The following COL28A1 variants were observed in gnomAD, a reference collection of about 807,000 sequenced individuals.
The protein encoded by COL28A1 is collagen type XXVIII alpha 1 chain.
COL28A1 carries 161 observed loss-of-function variants against 150.2 expected under a neutral mutation model. That is an observed-to-expected ratio of 1.07 (90% confidence interval 0.94 to 1.22). The LOEUF is 1.22. COL28A1 is among the 50% of genes most tolerant of loss of function. The pLI is 0.00. For synonymous variants in COL28A1, 552 were observed against 469.7 expected (o/e 1.18, Z -2.26); for missense variants, 1,617 against 1,388.3 (o/e 1.16, Z -2.62).
At chr7:7,506,215 G>T in intron 10 of COL28A1, 148 bp from the exon 11 acceptor site, 1 of 567,556 alleles carries the variant, frequency 1.8e-6, no homozygotes, top group East Asian at 2.9e-5. Flanking sequence ...TCGAGAAGTG[G>T]GATGAGATAA....
At chr7:7,391,326 A>G (rs899689294) in intron 27 of COL28A1, among the ~76,000 whole-genome samples, 1 of 152,108 alleles carries the variant, frequency 6.6e-6, no homozygotes, top group African/African-American at 2.4e-5. Flanking sequence ...ATTTGATTTC[A>G]CTGTGGTCTG....
chr7:7,429,956 G>A (rs1784869981), intron 25 of COL28A1, among the ~76,000 whole-genome samples: 1 of 152,078 alleles, frequency 6.6e-6, no homozygotes, highest in African/African-American at 2.4e-5. Context: ...AAAACAATAG[G>A]CAAGATGAAG....
intron 15 of COL28A1, among the ~76,000 whole-genome samples, chr7:7,461,332 A>G (rs958224235): frequency 1.4e-4 from 22 of 152,230 alleles, no homozygotes; most frequent in African/African-American, 5.1e-4. Context: ...CACAGGGGGA[A>G]GGAAACCTCC....
intron 18 of COL28A1, among the ~76,000 whole-genome samples, chr7:7,449,031 T>C (rs949001361): frequency 6.6e-6 from 1 of 152,114 alleles, no homozygotes; most frequent in Non-Finnish European, 1.5e-5. Flanking sequence ...CAGAAATATT[T>C]ATCATCTTGA....
chr7:7,543,734 T>C, the COL28A1 span, among the ~76,000 whole-genome samples: 1 of 151,906 alleles, frequency 6.6e-6, no homozygotes, highest in African/African-American at 2.4e-5. Context: ...GAGTATTTAT[T>C]ACTATTGTTT....
chr7:7,482,239 T>C (rs895924874), intron 13 of COL28A1, among the ~76,000 whole-genome samples: 1 of 152,152 alleles, frequency 6.6e-6, no homozygotes, highest in Admixed American at 6.6e-5. Context: ...AAATTCACAT[T>C]GTTGGCTGAG....
chr7:7,429,773 G>T (rs546178178), intron 25 of COL28A1, among the ~76,000 whole-genome samples: 48 of 152,238 alleles, frequency 3.2e-4, no homozygotes, highest in Middle Eastern at 3.4e-3. Context: ...CAGGTGAGAG[G>T]GAGGCGTGCA....
chr7:7,508,508 G>C (rs1308271607), intron 9 of COL28A1, among the ~76,000 whole-genome samples: 1 of 152,192 alleles, frequency 6.6e-6, no homozygotes, highest in Non-Finnish European at 1.5e-5. Flanking sequence ...AATAAAGAGA[G>C]AGAAACTTCC....
intron 14 of COL28A1, among the ~76,000 whole-genome samples, chr7:7,476,363 CA>C (rs1406577806): frequency 2.0e-5 from 3 of 152,178 alleles, no homozygotes; most frequent in East Asian, 1.9e-4. Flanking sequence ...CTGCCTATAT[CA>C]GGGGACAGCA....
chr7:7,476,178 T>A (rs1788865635), intron 14 of COL28A1, among the ~76,000 whole-genome samples: 1 of 152,166 alleles, frequency 6.6e-6, no homozygotes, highest in Admixed American at 6.5e-5. Flanking sequence ...CATGTACTTC[T>A]CCGGGCAGTA....
At chr7:7,515,636 T>G (rs1161741200) in intron 8 of COL28A1, among the ~76,000 whole-genome samples, 178 bp downstream of exon 8, 1 of 152,218 alleles carries the variant, frequency 6.6e-6, no homozygotes, top group Non-Finnish European at 1.5e-5. Context: ...GTACCCTCCA[T>G]CCCTTACAAC....
At chr7:7,444,105 G>C (rs902231675) in intron 19 of COL28A1, among the ~76,000 whole-genome samples, 4 of 146,236 alleles carry the variant, frequency 2.7e-5, no homozygotes, top group African/African-American at 1.0e-4. Context: ...TTACAGACTT[G>C]CCTCTTAGGG....
intron 11 of COL28A1, among the ~76,000 whole-genome samples, chr7:7,504,101 C>A (rs1780679913): frequency 6.6e-6 from 1 of 152,200 alleles, no homozygotes; most frequent in Non-Finnish European, 1.5e-5. Flanking sequence ...CCAACCCCCC[C>A]AAAACATACT....
At chr7:7,540,060 T>A (rs1782758086), upstream of COL28A1, among the ~76,000 whole-genome samples, 1 of 141,302 alleles carries the variant, frequency 7.1e-6, no homozygotes, top group South Asian at 2.2e-4. Flanking sequence ...GCAATTATTT[T>A]AGACCAAAAA....
intron 15 of COL28A1, among the ~76,000 whole-genome samples, chr7:7,473,968 T>G (rs1180426947): frequency 6.7e-6 from 1 of 148,590 alleles, no homozygotes; most frequent in Admixed American, 6.8e-5. Context: ...ACAGTATATA[T>G]AGTGTGTATA....
chr7:7,489,461 A>C lies in COL28A1; in HGVS notation c.1096-4T>G, dbSNP rs1412708791. ...TTCCTTCTTGGCCTCTTTCTCCCTA[A>C]GAGAAAGAAATAATAGAATGAAAGC... On this transcript the variant is annotated splice_region_variant and splice_polypyrimidine_tract_variant and intron_variant, in intron 12 of 34. Transcript: ENST00000399429. 8.2e-7 allele frequency: 1 copy of C among 1,226,166 alleles called. No individual in the cohort carries two copies. The highest frequency in any genetic ancestry group is 1.5e-5 in the African/African-American group (1 of 67,674). The allele number at this position is 1,226,166 out of a possible 1,614,324, so 76.0% of individuals were successfully genotyped here.
intron 13 of COL28A1, among the ~76,000 whole-genome samples, chr7:7,478,204 T>C (rs1461125802): frequency 1.3e-5 from 2 of 152,188 alleles, no homozygotes; most frequent in Non-Finnish European, 2.9e-5. Flanking sequence ...AGAGTGCTGA[T>C]TGGTGTGTTT....
chr7:7,488,981 C>T (rs10486173), intron 13 of COL28A1, among the ~76,000 whole-genome samples: 22,837 of 152,058 alleles, frequency 0.15, 1,835 homozygotes, highest in Middle Eastern at 0.22. Context: ...ATCTGGTTCT[C>T]GCATATTTAT....
chr7:7,520,573 T>C (rs926436323), intron 5 of COL28A1, among the ~76,000 whole-genome samples: 1 of 152,144 alleles, frequency 6.6e-6, no homozygotes, highest in Non-Finnish European at 1.5e-5. Flanking sequence ...CAGGAGACAA[T>C]CTCAAAAGAT....
Sources: allele counts gnomAD v4.1 joint callset (sites outside exome capture counted in the v4.1 genomes callset), GRCh38; gene constraint gnomAD v4.1.1; transcripts MANE v1.5; gene names NCBI Gene and HGNC (gene_info 2026-07-23, HGNC 2026-07-21).